GAD2: variants seen among roughly 807,000 people sequenced by gnomAD.
GAD2 encodes 65 kDa glutamic acid decarboxylase.
GAD2 carries 22 observed loss-of-function variants against 80.1 expected under a neutral mutation model. That is an observed-to-expected ratio of 0.27 (90% confidence interval 0.20 to 0.39). GAD2 has a LOEUF of 0.39. GAD2 is among the 10% of genes least tolerant of loss of function. GAD2 has a pLI of 1.00. For synonymous variants in GAD2, 274 were observed against 256.9 expected (o/e 1.07, Z -0.64); for missense variants, 624 against 738.4 (o/e 0.85, Z 1.80).
intron 8 of GAD2, among the ~76,000 whole-genome samples, chr10:26,259,545 T>A (rs947908465): frequency 2.0e-4 from 31 of 152,166 alleles, no homozygotes; most frequent in Non-Finnish European, 3.7e-4. Context: ...TACTCAGGTC[T>A]TTTGGATTGG....
At chr10:26,296,711 A>G (rs537383234) in intron 15 of GAD2, among the ~76,000 whole-genome samples, 1 of 152,064 alleles carries the variant, frequency 6.6e-6, no homozygotes, top group Non-Finnish European at 1.5e-5. Flanking sequence ...TTATCTTCTT[A>G]TTTTAATTTT....
chr10:26,249,794 C>G (rs1178237916), intron 8 of GAD2, among the ~76,000 whole-genome samples: 5 of 152,110 alleles, frequency 3.3e-5, no homozygotes, highest in African/African-American at 1.2e-4. Context: ...ACACTCTGCT[C>G]ACAAGAGAAG....
intron 8 of GAD2, among the ~76,000 whole-genome samples, chr10:26,262,850 C>CTT (rs61008985): frequency 6.9e-6 from 1 of 145,972 alleles, no homozygotes; most frequent in Non-Finnish European, 1.5e-5. Context: ...TATCATAATC[C>CTT]TTTTTTTTTT....
Position 26,216,906 on chromosome 10 carries a change from C to T in GAD2, c.76+21C>T, listed in dbSNP as rs754416392. 1.4e-4 allele frequency: 228 copies of T among 1,597,336 alleles called. 1 individual carries two copies. The highest frequency in any genetic ancestry group is 1.9e-4 in the Non-Finnish European group (219 of 1,169,816). ...CACAGGTAGGAAGGAGAACGGGGGCCTGCGGCGGGCGAGTTTTGCGGTGGT... is the reference window on the plus strand; with the variant it reads ...CACAGGTAGGAAGGAGAACGGGGGCTTGCGGCGGGCGAGTTTTGCGGTGGT... On this transcript the variant is annotated intron_variant, in intron 1 of 15. Transcript: ENST00000376261. The surrounding 1 kb of genome is among the most constrained non-coding windows in gnomAD (Gnocchi z 4.7).
chr10:26,222,701 C>G (rs1844468509), intron 4 of GAD2, among the ~76,000 whole-genome samples: 1 of 152,238 alleles, frequency 6.6e-6, no homozygotes, highest in Non-Finnish European at 1.5e-5. Context: ...TCCCTCCCAG[C>G]TTATATCTTT....
At chr10:26,251,795 A>G (rs1016699122) in intron 8 of GAD2, among the ~76,000 whole-genome samples, 4 of 152,258 alleles carry the variant, frequency 2.6e-5, no homozygotes, top group African/African-American at 9.6e-5. Context: ...CTGTGCTATT[A>G]GCTATATGGC....
chr10:26,249,361 T>C (rs1236593948), intron 8 of GAD2, among the ~76,000 whole-genome samples: 1 of 152,346 alleles, frequency 6.6e-6, no homozygotes, highest in South Asian at 2.1e-4. Context: ...AGGCTACCAG[T>C]GTTCCTCAGT....
chr10:26,225,385 T>C (rs1356435618), intron 6 of GAD2, among the ~76,000 whole-genome samples: 4 of 152,174 alleles, frequency 2.6e-5, no homozygotes, highest in African/African-American at 9.7e-5. Context: ...CTTGGTTTGA[T>C]GCAGAAAAGA....
In GAD2 at chr10:26,301,704, G is replaced by A. The variant is rs1317320956; in HGVS notation, c.*743G>A. ...ATGGCTTATCACATCTCTAAAGTTA[G>A]TATTTCAAGACAAACACAAAAGAAT... On this transcript the variant is annotated 3_prime_UTR_variant, in exon 16 of 16. Transcript: ENST00000376261. 1 of 152,088 alleles carries A rather than the reference G, an allele frequency of 6.6e-6. No individual in the cohort carries two copies. The highest frequency in any genetic ancestry group is 1.5e-5 in the Non-Finnish European group (1 of 68,020). 9.4% of individuals were successfully genotyped at this position (152,088 alleles called of 1,614,324 possible).
chr10:26,250,265 C>G (rs1844862942), intron 8 of GAD2, among the ~76,000 whole-genome samples: 1 of 152,178 alleles, frequency 6.6e-6, no homozygotes, highest in East Asian at 1.9e-4. Flanking sequence ...ATCCTCTCAT[C>G]TCACTCTCCC....
chr10:26,300,921 T>A lies in GAD2; in HGVS notation c.1718T>A (p.Phe573Tyr). ...NPAATHQDID[F>Y]LIEEIERLGQ... ...GCGGCAACTCACCAAGACATTGACT[T>A]CCTGATTGAAGAAATAGAACGCCTT... Residue 573 changes from phenylalanine to tyrosine, a missense_variant, in exon 16 of 16, where the codon TTC becomes TAC. By Grantham distance (22) the Phe-to-Tyr change is conservative. Transcript: ENST00000376261. 6.2e-7 allele frequency: 1 copy of A among 1,614,000 alleles called. No individual in the cohort carries two copies. Among genetic ancestry groups the A allele is most frequent in the Non-Finnish European group, 8.5e-7 (1 of 1,179,892 alleles).
At chr10:26,300,133 C>A (rs916123706) in intron 15 of GAD2, among the ~76,000 whole-genome samples, 14 of 152,180 alleles carry the variant, frequency 9.2e-5, no homozygotes, top group African/African-American at 1.9e-4. Flanking sequence ...AGGCTATAAT[C>A]AAAAATCTGG....
chr10:26,220,704 C>T (rs747901379), intron 4 of GAD2, among the ~76,000 whole-genome samples: 8 of 152,116 alleles, frequency 5.3e-5, no homozygotes, highest in African/African-American at 1.4e-4. Flanking sequence ...TATTTAGATA[C>T]GTTAATAGTA....
chr10:26,239,971 C>A (rs1844720373), intron 7 of GAD2, among the ~76,000 whole-genome samples: 1 of 152,194 alleles, frequency 6.6e-6, no homozygotes. Flanking sequence ...CCAAGCCCAG[C>A]AGAGGCTTGT....
intron 11 of GAD2, among the ~76,000 whole-genome samples, chr10:26,277,701 C>T (rs1304234509): frequency 1.3e-5 from 2 of 151,850 alleles, no homozygotes; most frequent in Middle Eastern, 3.4e-3. Context: ...CTGTAAGGGG[C>T]GGTATAGAGA....
chr10:26,269,757 C>A (rs1455114501), intron 9 of GAD2, among the ~76,000 whole-genome samples: 1 of 152,170 alleles, frequency 6.6e-6, no homozygotes, highest in Non-Finnish European at 1.5e-5. Flanking sequence ...TAGATATAAC[C>A]TACAGTTTCT....
In GAD2 at chr10:26,292,842, C is replaced by G; in HGVS notation, c.1495-60C>G. Reference sequence around the variant, plus strand: ...GCTGAATACATCGATTTGAAATGTTCTTGGAATTTTCAAAATTGCCAGCCT... The same window carrying G: ...GCTGAATACATCGATTTGAAATGTTGTTGGAATTTTCAAAATTGCCAGCCT... On this transcript the variant is annotated intron_variant, in intron 14 of 15. Transcript: ENST00000376261. 3.7e-6 allele frequency: 5 copies of G among 1,348,866 alleles called. No homozygotes were observed. The South Asian group carries it at 5.9e-5, about 16-fold the overall frequency. 83.6% of individuals were successfully genotyped at this position (1,348,866 alleles called of 1,614,324 possible).
intron 8 of GAD2, among the ~76,000 whole-genome samples, chr10:26,263,334 G>A (rs1589147509): frequency 6.6e-6 from 1 of 152,166 alleles, no homozygotes; most frequent in Non-Finnish European, 1.5e-5. Context: ...CAAATAGGAA[G>A]TTCACTATTT....
At chr10:26,250,591 A>T (rs1315730938) in intron 8 of GAD2, among the ~76,000 whole-genome samples, 1 of 152,188 alleles carries the variant, frequency 6.6e-6, no homozygotes, top group African/African-American at 2.4e-5. Flanking sequence ...GTGGGAAAAA[A>T]TAAGGCCTAC....
Sources: gnomAD v4.1 joint callset for allele counts (sites outside exome capture counted in the v4.1 genomes callset) on GRCh38, gnomAD v4.1.1 for gene constraint, Gnocchi (gnomAD v3.1) non-coding constraint, MANE v1.5 for transcripts, NCBI Gene and HGNC (gene_info 2026-07-23, HGNC 2026-07-21) for gene names.